Variants in MAP3K5 observed in about 807,000 individuals in gnomAD.
MAP3K5 encodes ASK-1.
Under a neutral mutation model 158.7 loss-of-function variants are expected in MAP3K5, and 56 were observed. That is an observed-to-expected ratio of 0.35 (90% CI 0.28 to 0.44). The LOEUF is 0.44. Ranked by LOEUF, MAP3K5 falls within the 20% of genes least tolerant of loss-of-function variation. MAP3K5 has a pLI of 1.00. For missense variants in MAP3K5, 1,294 were observed against 1,674.8 expected (o/e 0.77, Z 3.97); for synonymous variants, 579 against 601.7 (o/e 0.96, Z 0.55).
chr6:136,756,558 C>T (rs1033912387), intron 1 of MAP3K5, among the ~76,000 whole-genome samples: 6 of 152,110 alleles, frequency 3.9e-5, no homozygotes, highest in Non-Finnish European at 7.3e-5. Context: ...CTCCGCCTCC[C>T]GGAAGGGTAT....
At chr6:136,717,943 A>G (rs1380130220) in intron 2 of MAP3K5, among the ~76,000 whole-genome samples, 1 of 152,254 alleles carries the variant, frequency 6.6e-6, no homozygotes, top group African/African-American at 2.4e-5. Context: ...AGGAAAACTC[A>G]GGAGGCATAG....
chr6:136,604,100 G>A (rs1004081010), intron 19 of MAP3K5, among the ~76,000 whole-genome samples: 1 of 152,168 alleles, frequency 6.6e-6, no homozygotes, highest in Non-Finnish European at 1.5e-5. Context: ...GGCAGGCGGA[G>A]GGCCTGAGCT....
rs535660475 is a variant in MAP3K5 at position 136,698,686 on chromosome 6, C to G, written c.613-4G>C. On this transcript the variant is annotated splice_region_variant and splice_polypyrimidine_tract_variant and intron_variant, in intron 3 of 29. Transcript: ENST00000359015. The stretch of plus-strand genomic sequence containing the variant: ...AGGTGTAGTTCCCAGTGCACATCTG[C>G]GGAGAGAGGAGGCATCGGCAAGTGG... The G allele has an allele frequency of 3.7e-6, 6 of 1,604,032 alleles. No individual in the cohort carries two copies. Among genetic ancestry groups the G allele is most frequent in the Non-Finnish European group, 5.1e-6 (6 of 1,172,100 alleles).
At chr6:136,582,331 G>A (rs181147624) in intron 24 of MAP3K5, among the ~76,000 whole-genome samples, 3 of 151,290 alleles carry the variant, frequency 2.0e-5, no homozygotes, top group African/African-American at 7.3e-5. Flanking sequence ...CAAGGCCCAG[G>A]AGTACAACCC....
At position 136,730,167 on chromosome 6, in the gene MAP3K5, GT is replaced by G. The variant is rs199549908; in HGVS notation, c.449-9579del. ...GTTGTTTGGTTGTTTTTTTTTTTTT[GT>G]TTTTTGTTTTTGTAGAAACAAGGTC... On this transcript the variant is annotated intron_variant, in intron 1 of 29. Transcript: ENST00000359015. 4.6e-3 allele frequency among the ~76,000 whole-genome samples: 340 copies of G among 73,472 alleles called. 7 individuals carry two copies. In the South Asian group the frequency reaches 0.064, roughly 14 times the overall value. 48.2% of individuals were successfully genotyped at this position (73,472 alleles called of 152,430 possible).
chr6:136,784,687 CT>C (rs1415267257), intron 1 of MAP3K5, among the ~76,000 whole-genome samples: 2 of 152,158 alleles, frequency 1.3e-5, no homozygotes, highest in Non-Finnish European at 2.9e-5. Flanking sequence ...AAACACAACT[CT>C]GTTGACTGGT....
At chr6:136,562,706 C>A in intron 26 of MAP3K5, 91 bp from the exon 27 acceptor site, 1 of 641,672 alleles carries the variant, frequency 1.6e-6, no homozygotes, top group East Asian at 3.0e-5. Context: ...AGGTCTCTCT[C>A]TGTTGCCTAG....
At chr6:136,687,837 T>G (rs1780216009) in intron 7 of MAP3K5, among the ~76,000 whole-genome samples, 1 of 152,154 alleles carries the variant, frequency 6.6e-6, no homozygotes, top group Non-Finnish European at 1.5e-5. Flanking sequence ...GTAAATTAGT[T>G]CAACCATTGT....
chr6:136,629,727 T>C (rs1269709425), intron 14 of MAP3K5, among the ~76,000 whole-genome samples: 1 of 151,600 alleles, frequency 6.6e-6, no homozygotes, highest in Non-Finnish European at 1.5e-5. Context: ...GTGCTGAGAT[T>C]ACAGGTGTGA....
chr6:136,614,924 CTATTA>C (rs1776500372), intron 15 of MAP3K5, among the ~76,000 whole-genome samples: 1 of 152,276 alleles, frequency 6.6e-6, no homozygotes, highest in Admixed American at 6.5e-5. Context: ...TCCACTAATT[CTATTA>C]TATCATGATT....
At chr6:136,669,213 G>T in intron 8 of MAP3K5, 70 bp downstream of exon 8, 1 of 973,118 alleles carries the variant, frequency 1.0e-6, no homozygotes, top group South Asian at 1.4e-5. Context: ...ATCTATTCAT[G>T]ATTCTTTTTC....
chr6:136,574,683 CTTT>C (rs1223054758), intron 25 of MAP3K5, among the ~76,000 whole-genome samples: 3 of 108,548 alleles, frequency 2.8e-5, no homozygotes, highest in Non-Finnish European at 3.6e-5. Flanking sequence ...AGATTAAACA[CTTT>C]TTTTTTTTTT....
chr6:136,774,124 C>A (rs1784316945), intron 1 of MAP3K5, among the ~76,000 whole-genome samples: 1 of 152,082 alleles, frequency 6.6e-6, no homozygotes, highest in Admixed American at 6.5e-5. Flanking sequence ...CTTCAAAACC[C>A]AGTTCAAATG....
At chr6:136,568,410 C>A (rs1774214792) in intron 25 of MAP3K5, among the ~76,000 whole-genome samples, 1 of 152,178 alleles carries the variant, frequency 6.6e-6, no homozygotes, top group African/African-American at 2.4e-5. Context: ...CACACGCAGG[C>A]TGATACTCAC....
At chr6:136,790,747 T>C (rs1008045431) in intron 1 of MAP3K5, among the ~76,000 whole-genome samples, 2 of 152,206 alleles carry the variant, frequency 1.3e-5, no homozygotes, top group African/African-American at 4.8e-5. Flanking sequence ...AACCAAGTTT[T>C]TACCCACAAA....
chr6:136,701,733 C>A (rs1780862549), intron 3 of MAP3K5, among the ~76,000 whole-genome samples: 2 of 152,150 alleles, frequency 1.3e-5, no homozygotes, highest in South Asian at 4.1e-4. Context: ...TAGACAAGCA[C>A]CGTAACTCAA....
At chr6:136,662,691 C>T (rs1194298938) in intron 8 of MAP3K5, among the ~76,000 whole-genome samples, 4 of 152,078 alleles carry the variant, frequency 2.6e-5, no homozygotes, top group Non-Finnish European at 5.9e-5. Context: ...TACTGTTATA[C>T]TTGGTTCCAG....
chr6:136,788,212 T>C (rs2115066622), intron 1 of MAP3K5, among the ~76,000 whole-genome samples: 1 of 152,296 alleles, frequency 6.6e-6, no homozygotes, highest in Middle Eastern at 3.4e-3. Flanking sequence ...ATTCAATAAA[T>C]GGTGCTGGCT....
chr6:136,768,397 G>A (rs76337436), intron 1 of MAP3K5, among the ~76,000 whole-genome samples: 7,056 of 152,194 alleles, frequency 0.046, 209 homozygotes, highest in African/African-American at 0.092. Flanking sequence ...GAATCTGAAC[G>A]GACAGTTCTC....
Sources: allele counts gnomAD v4.1 joint callset (sites outside exome capture counted in the v4.1 genomes callset), GRCh38; gene constraint gnomAD v4.1.1; transcripts MANE v1.5; gene names NCBI Gene and HGNC (gene_info 2026-07-23, HGNC 2026-07-21).